The following PLCE1 variants were observed in gnomAD, a reference collection of about 807,000 sequenced individuals.
PLCE1 encodes 1-phosphatidylinositol 4,5-bisphosphate phosphodiesterase epsilon-1.
Under a neutral mutation model 242.8 loss-of-function variants are expected in PLCE1, and 119 were observed. That is an observed-to-expected ratio of 0.49 (90% CI 0.42 to 0.57). PLCE1 has a LOEUF of 0.57. PLCE1 is among the 20% of genes least tolerant of loss of function. The probability of loss-of-function intolerance (pLI) is 0.00; values close to 1 mark genes in which losing one functional copy is unlikely to be tolerated. For synonymous variants in PLCE1, 945 were observed against 1,017.4 expected (o/e 0.93, Z 1.35); for missense variants, 2,441 against 2,788.8 (o/e 0.88, Z 2.81).
At chr10:94,009,914 C>T (rs1429040590) in intron 1 of PLCE1, among the ~76,000 whole-genome samples, 2 of 152,226 alleles carry the variant, frequency 1.3e-5, no homozygotes, top group African/African-American at 2.4e-5. Context: ...GTGGCTCTAC[C>T]ATTCTGGGGT....
Position 94,304,649 on chromosome 10 carries a change from A to G in PLCE1, c.5622+4A>G. 6.2e-7 allele frequency: 1 copy of G among 1,613,844 alleles called. No homozygotes were observed. Among genetic ancestry groups the G allele is most frequent in the Non-Finnish European group, 8.5e-7 (1 of 1,179,848 alleles). ...TCCTGCAGTCTATTCTTTAACTGTA[A>G]GTACGGCCCCTAGAGAAAGAACATA... On this transcript the variant is annotated splice_donor_region_variant and intron_variant, in intron 25 of 32. Transcript: ENST00000371380.
At chr10:94,169,831 C>T (rs1174091778) in intron 3 of PLCE1, among the ~76,000 whole-genome samples, 11 of 152,162 alleles carry the variant, frequency 7.2e-5, no homozygotes, top group Admixed American at 3.9e-4. Flanking sequence ...CTGCCCAGCA[C>T]TGGGGATTGG....
chr10:94,240,170 C>T (rs535826043), intron 7 of PLCE1, among the ~76,000 whole-genome samples: 1 of 152,238 alleles, frequency 6.6e-6, no homozygotes, highest in East Asian at 1.9e-4. Flanking sequence ...TACAGAGAAG[C>T]TCTATTTGTA....
At chr10:94,157,091 G>C (rs1347254528) in intron 3 of PLCE1, among the ~76,000 whole-genome samples, 1 of 152,206 alleles carries the variant, frequency 6.6e-6, no homozygotes, top group East Asian at 1.9e-4. Flanking sequence ...ATATGAGTAA[G>C]TGAGGTATCA....
intron 4 of PLCE1, among the ~76,000 whole-genome samples, chr10:94,212,304 C>T (rs915147300): frequency 3.9e-5 from 6 of 152,010 alleles, no homozygotes; most frequent in South Asian, 2.1e-4. Context: ...TTGCCCAGGC[C>T]GGAGTGCAGT....
At chr10:94,313,163 C>A in intron 27 of PLCE1, 91 bp from the exon 28 acceptor site, 1 of 1,467,774 alleles carries the variant, frequency 6.8e-7, no homozygotes, top group Non-Finnish European at 9.5e-7. Flanking sequence ...TGTTCCTATC[C>A]GTACTTCTAA....
intron 2 of PLCE1, among the ~76,000 whole-genome samples, chr10:94,070,930 C>T (rs548290889): frequency 6.6e-5 from 10 of 152,152 alleles, no homozygotes; most frequent in Non-Finnish European, 1.0e-4. Flanking sequence ...AACATTAATC[C>T]GCTTCTCCTG....
At chr10:94,008,461 A>G (rs1372708373) in intron 1 of PLCE1, among the ~76,000 whole-genome samples, 1 of 152,038 alleles carries the variant, frequency 6.6e-6, no homozygotes, top group East Asian at 1.9e-4. Flanking sequence ...GGTGCGTGCT[A>G]CCACACCCGG....
chr10:94,259,793 A>C (rs1258442583), intron 13 of PLCE1, among the ~76,000 whole-genome samples: 1 of 152,144 alleles, frequency 6.6e-6, no homozygotes, highest in Non-Finnish European at 1.5e-5. Context: ...AAGACTGGGT[A>C]ATTTATAAGG....
intron 1 of PLCE1, among the ~76,000 whole-genome samples, chr10:94,018,594 C>T (rs539734860): frequency 2.0e-5 from 3 of 152,340 alleles, no homozygotes; most frequent in South Asian, 2.1e-4. Flanking sequence ...TCTGTATCTG[C>T]ACTTTTGGTC....
intron 8 of PLCE1, among the ~76,000 whole-genome samples, chr10:94,248,553 G>A (rs1025826802): frequency 3.9e-5 from 6 of 151,978 alleles, no homozygotes; most frequent in African/African-American, 7.2e-5. Context: ...TAATGCCACT[G>A]CACTCCAGCC....
At chr10:94,077,945 A>G (rs1011892379) in intron 2 of PLCE1, among the ~76,000 whole-genome samples, 1 of 152,240 alleles carries the variant, frequency 6.6e-6, no homozygotes, top group Non-Finnish European at 1.5e-5. Flanking sequence ...TGCTGTTCCA[A>G]AAAGCAAAAG....
chr10:94,078,745 AG>A (rs1411432634), intron 2 of PLCE1, among the ~76,000 whole-genome samples: 1 of 152,144 alleles, frequency 6.6e-6, no homozygotes, highest in Non-Finnish European at 1.5e-5. Flanking sequence ...GGCCTCCCAA[AG>A]TGCTGGGATT....
chr10:94,186,897 T>C (rs186901107), intron 4 of PLCE1, among the ~76,000 whole-genome samples: 2 of 152,368 alleles, frequency 1.3e-5, no homozygotes, highest in Admixed American at 1.3e-4. Flanking sequence ...ATGAAGCTGC[T>C]GTGAATCCTG....
intron 22 of PLCE1, among the ~76,000 whole-genome samples, chr10:94,288,595 G>A (rs2052541646): frequency 1.3e-5 from 2 of 152,162 alleles, no homozygotes; most frequent in South Asian, 4.1e-4. Flanking sequence ...TCTAAGGCAG[G>A]CAATTCAGGA....
At chr10:94,150,908 A>T (rs1198769942) in intron 3 of PLCE1, among the ~76,000 whole-genome samples, 1 of 152,166 alleles carries the variant, frequency 6.6e-6, no homozygotes, top group East Asian at 1.9e-4. Context: ...GAGAGCTGGC[A>T]GCAGTCTAGT....
chr10:94,186,334 A>G (rs1027647128), intron 4 of PLCE1, among the ~76,000 whole-genome samples: 7 of 152,214 alleles, frequency 4.6e-5, no homozygotes, highest in African/African-American at 1.4e-4. Flanking sequence ...CTAGACTTTT[A>G]TCATATAAAC....
intron 2 of PLCE1, chr10:94,088,922 G>A (rs552329957): frequency 3.7e-6 from 2 of 544,382 alleles, no homozygotes; most frequent in Non-Finnish European, 6.0e-6. Flanking sequence ...ATGTAGAAAA[G>A]TTATGTTTCA....
At chr10:94,137,973 A>G in intron 3 of PLCE1, 1 of 393,162 alleles carries the variant, frequency 2.5e-6, no homozygotes, top group Non-Finnish European at 5.0e-6. Flanking sequence ...CACTCCATTC[A>G]TCCTGATAAC....
Sources: allele counts gnomAD v4.1 joint callset (sites outside exome capture counted in the v4.1 genomes callset), GRCh38; gene constraint gnomAD v4.1.1; transcripts MANE v1.5; gene names NCBI Gene and HGNC (gene_info 2026-07-23, HGNC 2026-07-21).